JAKMIP2: variants seen among roughly 807,000 people sequenced by gnomAD.
JAKMIP2 encodes the protein janus kinase and microtubule-interacting protein 2.
A neutral mutation model predicts 115.0 loss-of-function variants in JAKMIP2; 25 were observed. The observed-to-expected ratio is 0.22, with a 90% CI of 0.16 to 0.30. The LOEUF is 0.30. Ranked by LOEUF, JAKMIP2 falls within the 10% of genes least tolerant of loss-of-function variation. The pLI, the probability that JAKMIP2 is intolerant of heterozygous loss-of-function variation, is 1.00. For synonymous variants in JAKMIP2, 334 were observed against 343.6 expected (o/e 0.97, Z 0.31); for missense variants, 642 against 957.6 (o/e 0.67, Z 4.35).
At chr5:147,735,614 T>G (rs1324526835) in intron 1 of JAKMIP2, among the ~76,000 whole-genome samples, 1 of 152,168 alleles carries the variant, frequency 6.6e-6, no homozygotes, top group Non-Finnish European at 1.5e-5. Context: ...ATTATTACAA[T>G]TCAAGGTGAG....
At chr5:147,607,486 ATGTATGT>A (rs1349874663) in intron 20 of JAKMIP2, among the ~76,000 whole-genome samples, 1 of 152,094 alleles carries the variant, frequency 6.6e-6, no homozygotes, top group Non-Finnish European at 1.5e-5. Flanking sequence ...TTATTGATTT[ATGTATGT>A]TGAACCAGGC....
At chr5:147,750,619 TGCA>T in intron 1 of JAKMIP2, among the ~76,000 whole-genome samples, 1 of 148,242 alleles carries the variant, frequency 6.7e-6, no homozygotes, top group South Asian at 2.1e-4. Context: ...TACATGAAAT[TGCA>T]GCATTTGAAG....
rs542244400 is a variant in JAKMIP2 at position 147,608,461 on chromosome 5, G to A, written c.2412+3845C>T. 7.6e-4 allele frequency among the ~76,000 whole-genome samples: 116 copies of A among 152,170 alleles called. 1 individual carries two copies. Among genetic ancestry groups the A allele is most frequent in the African/African-American group, 2.7e-3 (114 of 41,526 alleles). On this transcript the variant is annotated intron_variant, in intron 20 of 21. Coordinates refer to ENST00000616793, the MANE Select transcript of JAKMIP2 (RefSeq NM_001270941.2). ...TTAGTCATTCAGGAACAGATTGTTC[G>A]GTTTCCATGTAGTTGTGTGGTTTTA...
rs1438920819 is a variant in JAKMIP2, at chr5:147,589,888, C to G, written c.*1819G>C. On this transcript the variant is annotated 3_prime_UTR_variant, in exon 22 of 22. Transcript: ENST00000616793. The stretch of plus-strand genomic sequence containing the variant: ...CTTTTTGTCAACAACACAAGAAAGT[C>G]AAATAATACAGCACTTGTAATAATT... 6.6e-6 allele frequency: 1 copy of G among 152,158 alleles called. No homozygotes were observed. Among genetic ancestry groups the G allele is most frequent in the Non-Finnish European group, 1.5e-5 (1 of 68,024 alleles). The allele number at this position is 152,158 out of a possible 1,614,324, so 9.4% of individuals were successfully genotyped here.
At chr5:147,669,353 G>T (rs1759463910) in intron 2 of JAKMIP2, among the ~76,000 whole-genome samples, 1 of 152,176 alleles carries the variant, frequency 6.6e-6, no homozygotes, top group African/African-American at 2.4e-5. Flanking sequence ...ACGAGGCTGT[G>T]TGCTCTCATT....
intron 1 of JAKMIP2, among the ~76,000 whole-genome samples, chr5:147,738,414 C>T (rs1386493396): frequency 6.6e-6 from 1 of 152,052 alleles, no homozygotes. Context: ...CAAATGTTTA[C>T]AATATTAAAA....
intron 2 of JAKMIP2, among the ~76,000 whole-genome samples, chr5:147,671,210 T>C (rs1289822156): frequency 6.6e-6 from 1 of 152,148 alleles, no homozygotes; most frequent in East Asian, 1.9e-4. Flanking sequence ...TAATATCCTG[T>C]AGTGGTAGAG....
At position 147,605,028 on chromosome 5, in the gene JAKMIP2, G is replaced by GTC. The variant is rs368940457; in HGVS notation, c.2413-3218_2413-3217insGA. ...GTGTGATGTTCCCCAACCTGTGCCC[G>GTC]TATGTTCTCATTGTTCAACTCCCAC... On this transcript the variant is annotated intron_variant, in intron 20 of 21. Transcript: ENST00000616793. Among the ~76,000 whole-genome samples the GTC allele has an allele frequency of 2.9e-3, 443 of 150,928 alleles. 3 individuals carry two copies. Among genetic ancestry groups the GTC allele is most frequent in the African/African-American group, 0.01 (422 of 41,066 alleles).
chr5:147,640,169 A>T (rs1757814603), intron 9 of JAKMIP2, among the ~76,000 whole-genome samples: 2 of 152,158 alleles, frequency 1.3e-5, no homozygotes. Context: ...CCCCCAGATA[A>T]ATCATAAAAT....
chr5:147,779,423 T>A lies in JAKMIP2; in HGVS notation c.-149+3033A>T, dbSNP rs562665920. On this transcript the variant is annotated intron_variant, in intron 1 of 21. Transcript: ENST00000616793. ...ATACCTTTCATATAATTTGTTTTTTTAAAAAAAACAACTTGATGGCCCTTG... is the reference window on the plus strand; with the variant it reads ...ATACCTTTCATATAATTTGTTTTTTAAAAAAAAACAACTTGATGGCCCTTG... 4.6e-5 allele frequency among the ~76,000 whole-genome samples: 7 copies of A among 151,936 alleles called. No individual in the cohort carries two copies. In the South Asian group the frequency reaches 1.0e-3, roughly 23 times the overall value.
chr5:147,616,095 G>T (rs552312802), intron 19 of JAKMIP2, among the ~76,000 whole-genome samples: 47 of 152,218 alleles, frequency 3.1e-4, no homozygotes, highest in African/African-American at 1.1e-3. Context: ...ACAGGCAGAT[G>T]GGGAGAGAGA....
At chr5:147,780,840 A>C (rs1755730450) in intron 1 of JAKMIP2, among the ~76,000 whole-genome samples, 2 of 152,218 alleles carry the variant, frequency 1.3e-5, no homozygotes, top group African/African-American at 2.4e-5. Context: ...TTTACATTGT[A>C]AAAAATGTCT....
intron 1 of JAKMIP2, among the ~76,000 whole-genome samples, chr5:147,780,100 A>G (rs566752148): frequency 6.6e-6 from 1 of 152,174 alleles, no homozygotes. Flanking sequence ...TCTAAATGAA[A>G]TGATCCTAGC....
chr5:147,636,862 A>G, intron 11 of JAKMIP2, 103 bp downstream of exon 11: 1 of 802,486 alleles, frequency 1.2e-6, no homozygotes, highest in Non-Finnish European at 2.2e-6. Flanking sequence ...ATCACTGTGG[A>G]GAGCCAAGCT....
At position 147,603,441 on chromosome 5, in the gene JAKMIP2, C is replaced by T. The variant is rs527606666; in HGVS notation, c.2413-1630G>A. On this transcript the variant is annotated intron_variant, in intron 20 of 21. Transcript: ENST00000616793. The stretch of plus-strand genomic sequence containing the variant: ...AGGTTTGTTGTTACCAACTGATTCA[C>T]TGAAATAAACAATAAAGAGGGGATA... Among the ~76,000 whole-genome samples, 25 of 152,240 alleles carry T rather than the reference C, an allele frequency of 1.6e-4. No homozygotes were observed. In the South Asian group the frequency reaches 5.2e-3, roughly 32 times the overall value.
intron 1 of JAKMIP2, among the ~76,000 whole-genome samples, chr5:147,684,640 C>A (rs527594123): frequency 2.5e-4 from 38 of 152,244 alleles, no homozygotes; most frequent in African/African-American, 9.1e-4. Context: ...GAAAAATAAA[C>A]TGGAGGCAAA....
chr5:147,667,590 A>G (rs1242075393), intron 2 of JAKMIP2, among the ~76,000 whole-genome samples: 1 of 152,232 alleles, frequency 6.6e-6, no homozygotes, highest in Non-Finnish European at 1.5e-5. Flanking sequence ...GGAGGAACAC[A>G]GTAAACTGGC....
At position 147,650,536 on chromosome 5, in the gene JAKMIP2, G is replaced by T; in HGVS notation, c.639C>A (p.Ile213=). ...AAAAGATGATCCTGTCCTTGGCTTT[G>T]ATTTCATCCATCTGAATTAAATGAG... ...ERDIRRLMDE[I]KAKDRIIFSL... is the part of the protein sequence containing the mutation. Residue 213 remains isoleucine (I), a synonymous_variant, in exon 4 of 22, where the codon ATC becomes ATA. Transcript: ENST00000616793. 6.2e-7 allele frequency: 1 copy of T among 1,612,344 alleles called. No individual in the cohort carries two copies. The highest frequency in any genetic ancestry group is 2.2e-5 in the East Asian group (1 of 44,860).
chr5:147,707,797 A>G (rs1752637287), intron 1 of JAKMIP2, among the ~76,000 whole-genome samples: 2 of 152,210 alleles, frequency 1.3e-5, no homozygotes, highest in Non-Finnish European at 2.9e-5. Flanking sequence ...AGCAATAGTA[A>G]GTACAGAGTC....
Sources: gnomAD v4.1 joint callset for allele counts (sites outside exome capture counted in the v4.1 genomes callset) on GRCh38, gnomAD v4.1.1 for gene constraint, MANE v1.5 for transcripts, NCBI Gene and HGNC (gene_info 2026-07-23, HGNC 2026-07-21) for gene names.